The following FRYL variants were observed in gnomAD, a reference collection of about 807,000 sequenced individuals.
FRYL encodes the protein protein furry homolog-like.
A neutral mutation model predicts 351.2 loss-of-function variants in FRYL; 150 were observed. The observed-to-expected ratio is 0.43, with a 90% CI of 0.37 to 0.49. FRYL has a LOEUF of 0.49. Among genes scored for constraint, FRYL ranks in the 20% least tolerant of loss-of-function variants. FRYL has a pLI of 0.00. For missense variants in FRYL, 3,036 were observed against 3,619.3 expected, an observed-to-expected ratio of 0.84 and a Z score of 4.13; for synonymous variants, 1,153 against 1,257.1, an observed-to-expected ratio of 0.92 and a Z score of 1.75.
chr4:48,579,427 A>G (rs916590910), intron 22 of FRYL, among the ~76,000 whole-genome samples, 186 bp from the exon 23 acceptor site: 2 of 152,188 alleles, frequency 1.3e-5, no homozygotes, highest in Admixed American at 6.5e-5. Context: ...ATGTGCATAC[A>G]TGTCTTTTTT....
At chr4:48,634,592 C>A in intron 3 of FRYL, 102 bp from the exon 4 acceptor site, 2 of 741,416 alleles carry the variant, frequency 2.7e-6, no homozygotes, top group East Asian at 3.0e-5. Context: ...AACCCTCAAC[C>A]AGTTCTCCCA....
At chr4:48,735,971 T>A (rs1337454842) in intron 1 of FRYL, among the ~76,000 whole-genome samples, 3 of 100,716 alleles carry the variant, frequency 3.0e-5, no homozygotes, top group African/African-American at 3.6e-5. Context: ...TAGAGTATAA[T>A]AAAAAAAAAA....
chr4:48,599,771 G>C (rs1383902874), intron 13 of FRYL, among the ~76,000 whole-genome samples: 1 of 152,066 alleles, frequency 6.6e-6, no homozygotes, highest in East Asian at 1.9e-4. Flanking sequence ...TGTACTTAGA[G>C]GATGTAGCAT....
chr4:48,658,855 G>A (rs1271371215), intron 3 of FRYL, among the ~76,000 whole-genome samples: 4 of 150,658 alleles, frequency 2.7e-5, no homozygotes, highest in African/African-American at 2.4e-5. Context: ...ATATAAACAA[G>A]AAAAAAAAAA....
At chr4:48,522,403 T>A (rs1000051785) in intron 54 of FRYL, among the ~76,000 whole-genome samples, 1 of 152,038 alleles carries the variant, frequency 6.6e-6, no homozygotes, top group Non-Finnish European at 1.5e-5. Context: ...TTCTCCTTCT[T>A]TACAGTGCCA....
chr4:48,582,423 A>C (rs1741142587), intron 20 of FRYL, 74 bp downstream of exon 20: 2 of 896,062 alleles, frequency 2.2e-6, no homozygotes, highest in Non-Finnish European at 3.6e-6. Flanking sequence ...TGATAAAGTA[A>C]ATCTGTATTA....
chr4:48,715,311 T>C (rs984556023), intron 1 of FRYL, among the ~76,000 whole-genome samples: 1 of 151,962 alleles, frequency 6.6e-6, no homozygotes, highest in African/African-American at 2.4e-5. Context: ...GGTATTCAAT[T>C]AGGAAAAGAG....
intron 3 of FRYL, among the ~76,000 whole-genome samples, chr4:48,672,569 A>G (rs988086943): frequency 1.3e-5 from 2 of 152,234 alleles, no homozygotes; most frequent in African/African-American, 4.8e-5. Flanking sequence ...ACACACTTAC[A>G]TAGTAAGTAT....
chr4:48,615,102 A>G (rs1749151664), intron 7 of FRYL, among the ~76,000 whole-genome samples: 1 of 152,184 alleles, frequency 6.6e-6, no homozygotes, highest in African/African-American at 2.4e-5. Flanking sequence ...CTAGGATTAC[A>G]GGCGTGAGCC....
chr4:48,517,601 G>A (rs1274678288), intron 55 of FRYL, among the ~76,000 whole-genome samples: 1 of 152,110 alleles, frequency 6.6e-6, no homozygotes, highest in Non-Finnish European at 1.5e-5. Context: ...TCCATGAGGT[G>A]GATTCCAAGC....
intron 1 of FRYL, among the ~76,000 whole-genome samples, chr4:48,719,641 C>G (rs1349163907): frequency 6.6e-6 from 1 of 151,634 alleles, no homozygotes; most frequent in Non-Finnish European, 1.5e-5. Flanking sequence ...GTGCTCTTTG[C>G]TCACCAATCA....
chr4:48,673,299 T>G lies in FRYL; in HGVS notation c.-81+11374A>C, dbSNP rs529827113. 4.6e-5 allele frequency among the ~76,000 whole-genome samples: 7 copies of G among 152,374 alleles called. No individual in the cohort carries two copies. In the East Asian group the frequency reaches 1.3e-3, roughly 29 times the overall value. The stretch of plus-strand genomic sequence containing the variant: ...ACACACTAGAATTAAAGTTTTTTCC[T>G]ATTAAAATATATCTTCAAATGAAAG... On this transcript the variant is annotated intron_variant, in intron 3 of 63. Transcript: ENST00000358350.
rs1391957538 is a variant in FRYL at position 48,501,750 on chromosome 4, T to C, written c.8482-17A>G. 7.5e-7 allele frequency: 1 copy of C among 1,335,718 alleles called. No individual in the cohort carries two copies. Among genetic ancestry groups the C allele is most frequent in the African/African-American group, 1.4e-5 (1 of 69,164 alleles). The allele number at this position is 1,335,718 out of a possible 1,614,324, so 82.7% of individuals were successfully genotyped here. ...CTCCAATTCCTAGAAATAAATAACA[T>C]TACATTAAATTTAGGTGTTATTTTC... On this transcript the variant is annotated splice_polypyrimidine_tract_variant and intron_variant, in intron 61 of 63. Transcript: ENST00000358350.
intron 22 of FRYL, among the ~76,000 whole-genome samples, chr4:48,580,068 C>CGG (rs11375529): frequency 0.48 from 72,811 of 151,392 alleles, 17,968 homozygotes; most frequent in South Asian, 0.6. Context: ...AGCATCATGG[C>CGG]GGGGGGGAAT....
chr4:48,719,584 A>T (rs1231208660), intron 1 of FRYL, among the ~76,000 whole-genome samples: 1 of 151,756 alleles, frequency 6.6e-6, no homozygotes, highest in East Asian at 1.9e-4. Flanking sequence ...TAAATATATT[A>T]TAAATTGACA....
chr4:48,610,600 CAATATGTATACCTATATACATATTGA>C (rs1747874043), intron 7 of FRYL, among the ~76,000 whole-genome samples: 1 of 147,198 alleles, frequency 6.8e-6, no homozygotes, highest in Non-Finnish European at 1.5e-5. Flanking sequence ...ACCATATACT[CAATATGTATACCTATATACATATTGA>C]AATATGTATA....
intron 3 of FRYL, among the ~76,000 whole-genome samples, chr4:48,647,506 A>G (rs1164975058): frequency 2.0e-5 from 3 of 152,194 alleles, no homozygotes; most frequent in Non-Finnish European, 4.4e-5. Context: ...TATGTATTTA[A>G]TATTTATCAA....
At chr4:48,505,514 T>A (rs538330680) in intron 60 of FRYL, 33 bp downstream of exon 60, 3 of 1,299,664 alleles carry the variant, frequency 2.3e-6, no homozygotes, top group Non-Finnish European at 3.3e-6. Context: ...ATACAGAAAA[T>A]GTATGTTGCA....
intron 1 of FRYL, among the ~76,000 whole-genome samples, chr4:48,779,519 C>A (rs10010571): frequency 6.6e-5 from 10 of 151,624 alleles, no homozygotes; most frequent in Admixed American, 1.3e-4. Context: ...CTCCGCCGGT[C>A]CCCGCCAGCC....
Sources: allele counts gnomAD v4.1 joint callset (sites outside exome capture counted in the v4.1 genomes callset), GRCh38; gene constraint gnomAD v4.1.1; transcripts MANE v1.5; gene names NCBI Gene and HGNC (gene_info 2026-07-23, HGNC 2026-07-21).